PGM5: variants seen among roughly 807,000 people sequenced by gnomAD.
PGM5 encodes phosphoglucomutase-like protein 5.
Under a neutral mutation model 59.2 loss-of-function variants are expected in PGM5, and 23 were observed. The observed-to-expected ratio is 0.39, with a 90% CI of 0.28 to 0.55. The LOEUF is 0.55. Among genes scored for constraint, PGM5 ranks in the 20% least tolerant of loss-of-function variants. The pLI, the probability that PGM5 is intolerant of heterozygous loss-of-function variation, is 0.66. For synonymous variants in PGM5, 214 were observed against 286.0 expected, an observed-to-expected ratio of 0.75 and a Z score of 2.54; for missense variants, 574 against 748.3, an observed-to-expected ratio of 0.77 and a Z score of 2.72.
chr9:68,514,788 G>A lies in PGM5; in HGVS notation c.1615-14779G>A, dbSNP rs115346605. 9.9e-3 allele frequency among the ~76,000 whole-genome samples: 1,511 copies of A among 152,240 alleles called. 20 individuals carry two copies. The highest frequency in any genetic ancestry group is 0.025 in the African/African-American group (1,049 of 41,524). On this transcript the variant is annotated intron_variant, in intron 10 of 10. Transcript: ENST00000396396. Reference sequence around the variant, plus strand: ...TAGGATGCATTTATAGGGGTGCCTGGCCTCTATTTCTTCCTCATTTAGGAA... The same window carrying A: ...TAGGATGCATTTATAGGGGTGCCTGACCTCTATTTCTTCCTCATTTAGGAA...
At position 68,385,171 on chromosome 9, in the gene PGM5, T is replaced by G. The variant is rs548748317; in HGVS notation, c.571+627T>G. ...ACTTCTACAGTATTCAGAAGATAGCTTTTTGTTTTATAGATTAATTTTAGA... is the reference window on the plus strand; with the variant it reads ...ACTTCTACAGTATTCAGAAGATAGCGTTTTGTTTTATAGATTAATTTTAGA... On this transcript the variant is annotated intron_variant, in intron 3 of 10. Transcript: ENST00000396396. Among the ~76,000 whole-genome samples, 490 of 151,820 alleles carry G rather than the reference T, an allele frequency of 3.2e-3. 2 individuals carry two copies. Among genetic ancestry groups the G allele is most frequent in the African/African-American group, 0.01 (427 of 41,390 alleles).
intron 10 of PGM5, among the ~76,000 whole-genome samples, chr9:68,510,234 C>T (rs564350659): frequency 6.7e-6 from 1 of 149,298 alleles, no homozygotes; most frequent in African/African-American, 2.5e-5. Flanking sequence ...TCACTGCAAG[C>T]TCCGCCTCCT....
At chr9:68,423,565 T>G (rs1220893200) in intron 6 of PGM5, among the ~76,000 whole-genome samples, 1 of 152,058 alleles carries the variant, frequency 6.6e-6, no homozygotes, top group Non-Finnish European at 1.5e-5. Flanking sequence ...GACATTAGGT[T>G]CAATCAGGTT....
chr9:68,512,647 T>C (rs1824767719), intron 10 of PGM5, among the ~76,000 whole-genome samples: 1 of 152,226 alleles, frequency 6.6e-6, no homozygotes, highest in Non-Finnish European at 1.5e-5. Context: ...ACACCAGTCA[T>C]ATTGGATTAG....
chr9:68,387,636 C>T (rs1822261243), intron 4 of PGM5, 48 bp downstream of exon 4: 3 of 1,588,626 alleles, frequency 1.9e-6, no homozygotes, highest in Non-Finnish European at 2.6e-6. Flanking sequence ...ATATTGAGAC[C>T]TGTACACCTG....
chr9:68,474,196 G>A (rs557120108), intron 7 of PGM5, among the ~76,000 whole-genome samples: 1 of 152,266 alleles, frequency 6.6e-6, no homozygotes, highest in East Asian at 1.9e-4. Flanking sequence ...ATCTCCTTGG[G>A]TGATTCTAAT....
At chr9:68,475,384 G>A (rs1232243458) in intron 7 of PGM5, among the ~76,000 whole-genome samples, 1 of 151,752 alleles carries the variant, frequency 6.6e-6, no homozygotes, top group Non-Finnish European at 1.5e-5. Context: ...CGTTGTTATT[G>A]CGAAAATATT....
Position 68,357,025 on chromosome 9 carries a change from G to A in PGM5, c.-103G>A, listed in dbSNP as rs55710121. On this transcript the variant is annotated 5_prime_UTR_variant, in exon 1 of 11. Transcript: ENST00000396396. ...GACCTGCTGGAGAGGGGGCCCGGGCGCGAGGCGGAGTCCCGGCGCGCAGCC... is the reference window on the plus strand; with the variant it reads ...GACCTGCTGGAGAGGGGGCCCGGGCACGAGGCGGAGTCCCGGCGCGCAGCC... 0.23 allele frequency: 275,397 copies of A among 1,213,844 alleles called. 32,825 individuals carry two copies. Among genetic ancestry groups the A allele is most frequent in the South Asian group, 0.36 (20,108 of 56,364 alleles). 75.2% of individuals were successfully genotyped at this position (1,213,844 alleles called of 1,614,324 possible).
At chr9:68,445,155 G>A (rs1330636070) in intron 6 of PGM5, among the ~76,000 whole-genome samples, 5 of 151,746 alleles carry the variant, frequency 3.3e-5, no homozygotes, top group Admixed American at 1.3e-4. Context: ...AATGCTTATA[G>A]CAGTGGTCTT....
At chr9:68,473,984 C>T (rs1554686457) in intron 7 of PGM5, among the ~76,000 whole-genome samples, 1 of 152,056 alleles carries the variant, frequency 6.6e-6, no homozygotes, top group South Asian at 2.1e-4. Flanking sequence ...AGAGGCCTCA[C>T]TCACTACCCC....
chr9:68,380,439 G>A (rs433757), intron 2 of PGM5, among the ~76,000 whole-genome samples: 2,527 of 151,468 alleles, frequency 0.017, 76 homozygotes, highest in African/African-American at 0.057. Flanking sequence ...TACAGTATGC[G>A]GCAAAGTCAG....
intron 6 of PGM5, 84 bp from the exon 7 acceptor site, chr9:68,465,009 A>G: frequency 2.5e-6 from 2 of 789,064 alleles, no homozygotes; most frequent in Admixed American, 2.1e-5. Context: ...GATTTAGTAG[A>G]TCCTAAAGAC....
chr9:68,359,609 T>G (rs1431581167), intron 1 of PGM5, among the ~76,000 whole-genome samples: 1 of 152,244 alleles, frequency 6.6e-6, no homozygotes, highest in Non-Finnish European at 1.5e-5. Flanking sequence ...AGAATGTGCT[T>G]GTCTCCTGAT....
At chr9:68,389,181 C>A (rs1200724241) in intron 4 of PGM5, among the ~76,000 whole-genome samples, 4 of 151,876 alleles carry the variant, frequency 2.6e-5, no homozygotes, top group Non-Finnish European at 1.5e-5. Context: ...TCCAAAGATT[C>A]TCTCTTGTAA....
intron 1 of PGM5, among the ~76,000 whole-genome samples, chr9:68,365,730 C>G (rs1248305167): frequency 6.6e-6 from 1 of 152,066 alleles, no homozygotes; most frequent in African/African-American, 2.4e-5. Flanking sequence ...TTCTTTTTCT[C>G]TAGTAAACAT....
At chr9:68,452,902 C>G (rs536883361) in intron 6 of PGM5, among the ~76,000 whole-genome samples, 1 of 152,316 alleles carries the variant, frequency 6.6e-6, no homozygotes, top group Admixed American at 6.5e-5. Context: ...TGCTGGGAAT[C>G]CTTGATGTGA....
intron 6 of PGM5, among the ~76,000 whole-genome samples, chr9:68,454,382 A>G (rs1185192393): frequency 3.9e-5 from 6 of 152,132 alleles, no homozygotes; most frequent in Admixed American, 3.9e-4. Flanking sequence ...TGTGCCATCA[A>G]TTCTGTTGGG....
At chr9:68,375,111 T>C (rs1821845134) in intron 1 of PGM5, among the ~76,000 whole-genome samples, 1 of 152,198 alleles carries the variant, frequency 6.6e-6, no homozygotes, top group South Asian at 2.1e-4. Flanking sequence ...TTCACAGGGC[T>C]TCTTGAGTGT....
rs1825066748 is a variant in PGM5 at position 68,530,695 on chromosome 9, T to C, written c.*1039T>C. 1.3e-5 allele frequency: 2 copies of C among 152,150 alleles called. No individual in the cohort carries two copies. Among genetic ancestry groups the C allele is most frequent in the Non-Finnish European group, 2.9e-5 (2 of 68,046 alleles). The allele number at this position is 152,150 out of a possible 1,614,324, so 9.4% of individuals were successfully genotyped here. The stretch of plus-strand genomic sequence containing the variant: ...ATTGGTGGTACAGCTATGGGCCAGA[T>C]GGTGGAGGGGAGGGTGGGGACCCCT... On this transcript the variant is annotated 3_prime_UTR_variant, in exon 11 of 11. Transcript: ENST00000396396.
Sources: gnomAD v4.1 joint callset for allele counts (sites outside exome capture counted in the v4.1 genomes callset) on GRCh38, gnomAD v4.1.1 for gene constraint, MANE v1.5 for transcripts, NCBI Gene and HGNC (gene_info 2026-07-23, HGNC 2026-07-21) for gene names.